FABP7: variants seen among roughly 807,000 people sequenced by gnomAD.
FABP7 encodes the protein fatty acid binding protein 7.
A neutral mutation model predicts 14.2 loss-of-function variants in FABP7; 13 were observed. The ratio of observed to expected loss-of-function variants is 0.91; its 90% CI spans 0.59 to 1.45. The LOEUF is 1.45. Ranked by LOEUF, FABP7 falls within the 40% of genes most tolerant of loss-of-function variation. The pLI is 0.00. For missense variants in FABP7, 149 were observed against 157.6 expected, an observed-to-expected ratio of 0.95 and a Z score of 0.29; for synonymous variants, 49 against 51.4, an observed-to-expected ratio of 0.95 and a Z score of 0.20.
upstream of FABP7, among the ~76,000 whole-genome samples, chr6:122,776,434 A>G (rs765523922): frequency 5.3e-5 from 8 of 152,146 alleles, no homozygotes; most frequent in Admixed American, 1.3e-4. Flanking sequence ...GAGAAATATC[A>G]CTTTTTAACT....
the FABP7 span, among the ~76,000 whole-genome samples, chr6:122,771,818 G>T: frequency 6.6e-6 from 1 of 152,150 alleles, no homozygotes. Flanking sequence ...ACTTAGAAAA[G>T]ATCATATGAA....
the FABP7 span, among the ~76,000 whole-genome samples, chr6:122,751,897 GC>G: frequency 3.9e-5 from 6 of 151,946 alleles, no homozygotes; most frequent in Non-Finnish European, 7.4e-5. Flanking sequence ...TCATCCCTCT[GC>G]CCCAACCCAG....
At chr6:122,783,153 A>C in intron 3 of FABP7, 1 of 985,438 alleles carries the variant, frequency 1.0e-6, no homozygotes, top group African/African-American at 1.7e-5. Flanking sequence ...TTGACATTAG[A>C]GTAATAGAGC....
intron 3 of FABP7, chr6:122,782,804 G>A (rs1173483097): frequency 2.0e-6 from 2 of 983,424 alleles, no homozygotes; most frequent in African/African-American, 1.8e-5. Context: ...GATGGAGGTG[G>A]GGAGCAGAGG....
chr6:122,769,229 GAAAT>G, the FABP7 span, among the ~76,000 whole-genome samples: 1 of 152,080 alleles, frequency 6.6e-6, no homozygotes, highest in Admixed American at 6.6e-5. Context: ...ACTTTCAAGG[GAAAT>G]TCAAGGTTTC....
In FABP7 at chr6:122,781,209, T is replaced by C. The variant is rs763715424; in HGVS notation, c.348+15T>C. 68 of 1,613,164 alleles carry C rather than the reference T, an allele frequency of 4.2e-5. No homozygotes were observed. Among genetic ancestry groups the C allele is most frequent in the Non-Finnish European group, 5.3e-5 (63 of 1,179,436 alleles). ...AAATGGTTATGGTAAGTAATGACAA[T>C]TCTCCATTCTTCCTTGTTTTTTTCT... On this transcript the variant is annotated intron_variant, in intron 3 of 3. Transcript: ENST00000368444.
the FABP7 span, among the ~76,000 whole-genome samples, chr6:122,759,219 G>T: frequency 1.3e-5 from 2 of 152,066 alleles, no homozygotes; most frequent in Non-Finnish European, 2.9e-5. Flanking sequence ...AAATCAGGTA[G>T]CAAGAATTCT....
the FABP7 span, among the ~76,000 whole-genome samples, chr6:122,768,690 GATAA>G: frequency 6.6e-6 from 1 of 152,124 alleles, no homozygotes; most frequent in Non-Finnish European, 1.5e-5. Context: ...ATGGACAAGT[GATAA>G]GATTATGACA....
the FABP7 span, among the ~76,000 whole-genome samples, chr6:122,769,653 G>A: frequency 1.3e-5 from 2 of 151,992 alleles, no homozygotes; most frequent in African/African-American, 2.4e-5. Context: ...ATTTCCAAAA[G>A]GATAGAAAAT....
the FABP7 span, among the ~76,000 whole-genome samples, chr6:122,751,638 T>C: frequency 6.6e-6 from 1 of 152,226 alleles, no homozygotes; most frequent in East Asian, 1.9e-4. Flanking sequence ...AAATGGCACA[T>C]TCTATTATTA....
chr6:122,762,158 T>C, the FABP7 span, among the ~76,000 whole-genome samples: 10 of 152,294 alleles, frequency 6.6e-5, no homozygotes, highest in African/African-American at 2.2e-4. Flanking sequence ...ACTGGCAAAC[T>C]GAATCCAGCA....
At chr6:122,773,245 C>T in the FABP7 span, among the ~76,000 whole-genome samples, 82 of 152,122 alleles carry the variant, frequency 5.4e-4, no homozygotes, top group African/African-American at 2.0e-3. Context: ...AAAATGTCTA[C>T]AAATGTAATC....
the FABP7 span, among the ~76,000 whole-genome samples, chr6:122,763,370 C>T: frequency 2.6e-5 from 4 of 152,080 alleles, no homozygotes. Flanking sequence ...CTTCCTTACA[C>T]CTTATACAAA....
At position 122,783,709 on chromosome 6, in the gene FABP7, C is replaced by A. The variant is rs571899292; in HGVS notation, c.349-8C>A. ...TAAAAAGATTTGATTATCTTTTGAA[C>A]CTTGCAGACCCTTACTTTTGGTGAT... On this transcript the variant is annotated splice_region_variant and splice_polypyrimidine_tract_variant and intron_variant, in intron 3 of 3. Transcript: ENST00000368444. 8 of 1,587,878 alleles carry A rather than the reference C, an allele frequency of 5.0e-6. No homozygotes were observed. Among genetic ancestry groups the A allele is most frequent in the East Asian group, 2.3e-5 (1 of 44,116 alleles).
intron 3 of FABP7, chr6:122,781,648 G>C (rs1562340264): frequency 9.7e-7 from 1 of 1,032,914 alleles, no homozygotes; most frequent in African/African-American, 1.7e-5. Context: ...AATTTATAAA[G>C]TTACACAAGT....
At position 122,782,746 on chromosome 6, in the gene FABP7, T is replaced by TA. The variant is rs1780824069; in HGVS notation, c.349-970dup. ...ACTCATGTTTCCTTCTCCCCTTGAC[T>TA]ACTGCAATCAGCACTGTTCTGCATT... On this transcript the variant is annotated intron_variant, in intron 3 of 3. Transcript: ENST00000368444. 21 of 985,312 alleles carry TA rather than the reference T, an allele frequency of 2.1e-5. No individual in the cohort carries two copies. In the Admixed American group the frequency reaches 4.3e-4, roughly 20 times the overall value. The allele number at this position is 985,312 out of a possible 1,614,324, so 61.0% of individuals were successfully genotyped here.
intron 3 of FABP7, chr6:122,782,052 C>T: frequency 1.0e-6 from 1 of 985,392 alleles, no homozygotes; most frequent in Non-Finnish European, 1.2e-6. Context: ...GCTCCCAGCC[C>T]CCAAAGAGAA....
chr6:122,767,381 G>C, the FABP7 span, among the ~76,000 whole-genome samples: 44 of 152,182 alleles, frequency 2.9e-4, no homozygotes, highest in African/African-American at 9.6e-4. Context: ...AGCAATGTTA[G>C]AAGGTTACAA....
the FABP7 span, among the ~76,000 whole-genome samples, chr6:122,768,822 T>C: frequency 2.3e-3 from 349 of 152,166 alleles, 1 homozygote; most frequent in African/African-American, 8.0e-3. Context: ...ACTGAGGTCA[T>C]GGATTAACAG....
Sources: allele counts gnomAD v4.1 joint callset (sites outside exome capture counted in the v4.1 genomes callset), GRCh38; gene constraint gnomAD v4.1.1; transcripts MANE v1.5; gene names NCBI Gene and HGNC (gene_info 2026-07-23, HGNC 2026-07-21).